Variants in NCK2 observed in about 807,000 individuals in gnomAD.
NCK2 encodes the protein NCK adaptor protein 2.
NCK2 carries 16 observed loss-of-function variants against 33.9 expected under a neutral mutation model. The observed-to-expected ratio is 0.47, with a 90% CI of 0.32 to 0.72. The LOEUF (loss-of-function observed/expected upper bound fraction) is 0.72, where lower values mean the gene tolerates loss of function less well. NCK2 is among the 30% of genes least tolerant of loss of function. NCK2 has a pLI of 0.03. For synonymous variants in NCK2, 273 were observed against 239.9 expected (o/e 1.14, Z -1.27); for missense variants, 418 against 537.3 (o/e 0.78, Z 2.19).
At chr2:105,846,121 G>A (rs1052374743) in intron 2 of NCK2, among the ~76,000 whole-genome samples, 4 of 152,196 alleles carry the variant, frequency 2.6e-5, no homozygotes, top group African/African-American at 7.2e-5. Flanking sequence ...CTCCCAGTGT[G>A]ATTAGTGTCT....
intron 1 of NCK2, among the ~76,000 whole-genome samples, chr2:105,766,678 A>G (rs1450076070): frequency 2.6e-5 from 4 of 152,100 alleles, no homozygotes; most frequent in Non-Finnish European, 5.9e-5. Context: ...CTTTCAGGGT[A>G]GTCTGTGAGG....
At chr2:105,872,260 C>T (rs1361212135) in intron 3 of NCK2, among the ~76,000 whole-genome samples, 3 of 152,168 alleles carry the variant, frequency 2.0e-5, no homozygotes, top group African/African-American at 2.4e-5. Flanking sequence ...GCTGCTTGCA[C>T]GCTGTCACCC....
intron 1 of NCK2, among the ~76,000 whole-genome samples, chr2:105,815,759 A>G (rs1361067552): frequency 6.6e-6 from 1 of 152,200 alleles, no homozygotes; most frequent in African/African-American, 2.4e-5. Context: ...GGCTGGTGCA[A>G]CAGACCTCCA....
At chr2:105,840,552 G>C (rs1159820099) in intron 2 of NCK2, among the ~76,000 whole-genome samples, 2 of 152,176 alleles carry the variant, frequency 1.3e-5, no homozygotes, top group Non-Finnish European at 2.9e-5. Flanking sequence ...TTGACCTGGA[G>C]ACAGCATCAG....
chr2:105,773,358 G>A (rs374124949), intron 1 of NCK2, among the ~76,000 whole-genome samples: 17 of 152,064 alleles, frequency 1.1e-4, no homozygotes, highest in South Asian at 1.0e-3. Context: ...TCTTCTCGCC[G>A]TCTGGTACAC....
intron 2 of NCK2, among the ~76,000 whole-genome samples, chr2:105,831,410 C>CTTTTTTTTTTT (rs56247904): frequency 1.4e-5 from 2 of 144,846 alleles, no homozygotes. Flanking sequence ...AGCATGATAT[C>CTTTTTTTTTTT]TTTTTTTTTT....
At chr2:105,832,237 A>T (rs1378050202) in intron 2 of NCK2, among the ~76,000 whole-genome samples, 1 of 152,172 alleles carries the variant, frequency 6.6e-6, no homozygotes, top group Non-Finnish European at 1.5e-5. Context: ...GTATCCTGCA[A>T]TTTCACCGGA....
chr2:105,779,658 G>A (rs1208063976), intron 1 of NCK2, among the ~76,000 whole-genome samples: 3 of 152,144 alleles, frequency 2.0e-5, no homozygotes, highest in Non-Finnish European at 2.9e-5. Context: ...CACGGGAGAC[G>A]TATGCAGGTG....
At chr2:105,779,088 C>A (rs564384945) in intron 1 of NCK2, among the ~76,000 whole-genome samples, 22 of 152,218 alleles carry the variant, frequency 1.4e-4, no homozygotes, top group Non-Finnish European at 1.6e-4. Flanking sequence ...AGGTGGATCA[C>A]TTGAGGTCAT....
intron 2 of NCK2, among the ~76,000 whole-genome samples, chr2:105,853,342 C>T (rs188712762): frequency 1.2e-3 from 181 of 152,270 alleles, no homozygotes; most frequent in Non-Finnish European, 2.2e-3. Context: ...CCAAAATTGA[C>T]TTTACTGGAT....
intron 2 of NCK2, among the ~76,000 whole-genome samples, chr2:105,822,667 AAAAC>A (rs1573157599): frequency 6.6e-6 from 1 of 152,014 alleles, no homozygotes; most frequent in Admixed American, 6.6e-5. Flanking sequence ...TGAAGAAACA[AAAAC>A]AAAAAAGCCA....
chr2:105,785,189 A>G (rs1186216479), intron 1 of NCK2, among the ~76,000 whole-genome samples: 1 of 152,194 alleles, frequency 6.6e-6, no homozygotes, highest in Non-Finnish European at 1.5e-5. Context: ...TGTGTTAGCC[A>G]GGATGGTCTC....
chr2:105,822,448 C>T (rs1302951810), intron 2 of NCK2, among the ~76,000 whole-genome samples: 1 of 152,034 alleles, frequency 6.6e-6, no homozygotes, highest in Admixed American at 6.5e-5. Flanking sequence ...CAGCCACTTC[C>T]TGTGTGCTGA....
At chr2:105,850,358 G>A (rs973284653) in intron 2 of NCK2, among the ~76,000 whole-genome samples, 12 of 152,154 alleles carry the variant, frequency 7.9e-5, no homozygotes, top group Admixed American at 2.6e-4. Context: ...TATTTTAGGC[G>A]TTAGTGAAAA....
chr2:105,887,811 A>G (rs1678778524), intron 4 of NCK2, among the ~76,000 whole-genome samples: 1 of 152,248 alleles, frequency 6.6e-6, no homozygotes, highest in East Asian at 1.9e-4. Context: ...GGTGCTTTTC[A>G]GCAAGTATTT....
Position 105,893,022 on chromosome 2 carries a change from A to C in NCK2, c.989A>C (p.Asn330Thr). 1.2e-6 allele frequency: 2 copies of C among 1,613,988 alleles called. No homozygotes were observed. The highest frequency in any genetic ancestry group is 8.5e-7 in the Non-Finnish European group (1 of 1,179,872). The change falls in exon 5 of 5, where the codon AAC becomes ACC. Residue 330 changes from asparagine to threonine, a missense_variant. By Grantham distance (65) the Asn-to-Thr change is moderately conservative. Coordinates refer to ENST00000233154, the MANE Select transcript of NCK2 (RefSeq NM_003581.5). Reference sequence around the variant, plus strand: ...GTGTCCCTTAAAGCGTCAGGGAAGAACAAACACTTCAAGGTGCAGCTCGTG... The same window carrying C: ...GTGTCCCTTAAAGCGTCAGGGAAGACCAAACACTTCAAGGTGCAGCTCGTG... ...FSVSLKASGK[N>T]KHFKVQLVDN...
intron 3 of NCK2, among the ~76,000 whole-genome samples, chr2:105,870,632 G>C (rs1471583006): frequency 1.3e-5 from 2 of 152,198 alleles, no homozygotes; most frequent in Admixed American, 6.5e-5. Flanking sequence ...GCACATACCT[G>C]CAATCTCAGC....
intron 2 of NCK2, among the ~76,000 whole-genome samples, chr2:105,841,816 A>G (rs1676658477): frequency 6.6e-6 from 1 of 152,216 alleles, no homozygotes; most frequent in Non-Finnish European, 1.5e-5. Context: ...GGTATCATAG[A>G]AGGTCATTCA....
At chr2:105,844,747 G>GGAT (rs368706967) in intron 2 of NCK2, among the ~76,000 whole-genome samples, 91 of 133,602 alleles carry the variant, frequency 6.8e-4, no homozygotes, top group Non-Finnish European at 1.1e-3. Flanking sequence ...GGCGGGGGGG[G>GGAT]ATATATATAT....
Sources: gnomAD v4.1 joint callset for allele counts (sites outside exome capture counted in the v4.1 genomes callset) on GRCh38, gnomAD v4.1.1 for gene constraint, MANE v1.5 for transcripts, NCBI Gene and HGNC (gene_info 2026-07-23, HGNC 2026-07-21) for gene names.